Variants in PACRG observed in about 807,000 individuals in gnomAD.
PACRG encodes the protein parkin coregulated.
In PACRG, 29 loss-of-function variants were observed where a neutral mutation model predicts 29.7. The observed-to-expected ratio is 0.98, with a 90% CI of 0.73 to 1.33. The LOEUF (loss-of-function observed/expected upper bound fraction) is 1.33. Ranked by LOEUF, PACRG falls within the 40% of genes most tolerant of loss-of-function variation. PACRG has a pLI of 0.00. For missense variants in PACRG, 279 were observed against 316.2 expected (o/e 0.88, Z 0.89); for synonymous variants, 116 against 118.7 (o/e 0.98, Z 0.15).
At chr6:162,942,332 T>C (rs1162760966) in intron 2 of PACRG, among the ~76,000 whole-genome samples, 2 of 152,186 alleles carry the variant, frequency 1.3e-5, no homozygotes, top group African/African-American at 4.8e-5. Flanking sequence ...CCCCCTCTCT[T>C]CTTCAGGGAC....
At chr6:163,165,392 GACT>G (rs1778752216) in intron 4 of PACRG, 1 of 152,334 alleles carries the variant, frequency 6.6e-6, no homozygotes, top group South Asian at 2.1e-4. Context: ...AGAGAGGTCT[GACT>G]ACAACCCAAA....
At chr6:162,744,812 G>A (rs776260350) in intron 1 of PACRG, among the ~76,000 whole-genome samples, 1 of 151,986 alleles carries the variant, frequency 6.6e-6, no homozygotes, top group Non-Finnish European at 1.5e-5. Context: ...TTGTGATTTT[G>A]ATCAGTAAGT....
At chr6:162,847,123 C>A (rs549900246) in intron 2 of PACRG, among the ~76,000 whole-genome samples, 1 of 152,054 alleles carries the variant, frequency 6.6e-6, no homozygotes, top group Non-Finnish European at 1.5e-5. Flanking sequence ...GTGCTCCCCA[C>A]ACTGTGATGC....
At chr6:163,266,486 T>C (rs1479567587) in intron 4 of PACRG, among the ~76,000 whole-genome samples, 1 of 152,134 alleles carries the variant, frequency 6.6e-6, no homozygotes, top group Non-Finnish European at 1.5e-5. Context: ...GGATGGAACT[T>C]TGGGGAAATG....
At chr6:162,953,978 C>T (rs1006285999) in intron 2 of PACRG, among the ~76,000 whole-genome samples, 9 of 152,048 alleles carry the variant, frequency 5.9e-5, no homozygotes, top group African/African-American at 1.9e-4. Context: ...TTTATTTTTA[C>T]AAAATTCTAA....
intron 1 of PACRG, among the ~76,000 whole-genome samples, chr6:162,779,126 G>A (rs1783889173): frequency 6.6e-6 from 1 of 152,126 alleles, no homozygotes; most frequent in African/African-American, 2.4e-5. Flanking sequence ...GCAAGAACAC[G>A]CGGTGTTTGG....
At chr6:163,061,544 G>A (rs1811096677) in intron 2 of PACRG, among the ~76,000 whole-genome samples, 1 of 152,158 alleles carries the variant, frequency 6.6e-6, no homozygotes, top group Non-Finnish European at 1.5e-5. Context: ...ACTTTGAGGT[G>A]TCAGTGGTCC....
At chr6:162,976,566 TG>T (rs1272689027) in intron 2 of PACRG, among the ~76,000 whole-genome samples, 1 of 152,180 alleles carries the variant, frequency 6.6e-6, no homozygotes, top group Non-Finnish European at 1.5e-5. Context: ...AAGATAACTC[TG>T]GTGTATAGAT....
intron 2 of PACRG, among the ~76,000 whole-genome samples, chr6:162,900,264 A>G (rs1795465905): frequency 6.6e-6 from 1 of 152,092 alleles, no homozygotes; most frequent in African/African-American, 2.4e-5. Flanking sequence ...CTCTGCTTAC[A>G]GAGGCCGACG....
At chr6:163,061,883 GC>G (rs1319182748) in intron 2 of PACRG, among the ~76,000 whole-genome samples, 3 of 152,170 alleles carry the variant, frequency 2.0e-5, no homozygotes, top group Non-Finnish European at 4.4e-5. Flanking sequence ...CAAAAAGGTA[GC>G]AAATTATTAA....
At chr6:163,297,138 G>A (rs1784806709) in intron 4 of PACRG, among the ~76,000 whole-genome samples, 1 of 152,104 alleles carries the variant, frequency 6.6e-6, no homozygotes, top group Non-Finnish European at 1.5e-5. Context: ...ACGAAGCTTT[G>A]TTTCTTTAGT....
At chr6:162,771,378 G>T (rs550509824) in intron 1 of PACRG, among the ~76,000 whole-genome samples, 64 of 152,260 alleles carry the variant, frequency 4.2e-4, no homozygotes, top group Non-Finnish European at 7.9e-4. Flanking sequence ...CTCTTCCAGG[G>T]TTATATTTCA....
chr6:163,163,244 C>T (rs1413527852), intron 4 of PACRG, among the ~76,000 whole-genome samples: 1 of 151,236 alleles, frequency 6.6e-6, no homozygotes, highest in Admixed American at 6.6e-5. Context: ...ATCAGCTCCA[C>T]ATGGTTTTTT....
chr6:162,955,651 C>T (rs147657268), intron 2 of PACRG, among the ~76,000 whole-genome samples: 280 of 152,236 alleles, frequency 1.8e-3, no homozygotes, highest in African/African-American at 6.0e-3. Flanking sequence ...ATAGAAATAG[C>T]GTATGATTTA....
chr6:163,119,223 G>A (rs965219578), intron 4 of PACRG, among the ~76,000 whole-genome samples: 3 of 152,210 alleles, frequency 2.0e-5, no homozygotes, highest in Non-Finnish European at 4.4e-5. Context: ...GACTCCTGGG[G>A]CCCAATACAG....
At chr6:163,180,228 C>T (rs889249256) in intron 4 of PACRG, among the ~76,000 whole-genome samples, 6 of 152,214 alleles carry the variant, frequency 3.9e-5, no homozygotes, top group African/African-American at 1.4e-4. Flanking sequence ...ACGCCCACTT[C>T]TCCAGTAGAA....
intron 2 of PACRG, among the ~76,000 whole-genome samples, chr6:162,952,458 G>T (rs1397715655): frequency 6.6e-6 from 1 of 152,172 alleles, no homozygotes; most frequent in Non-Finnish European, 1.5e-5. Flanking sequence ...GAATTGGGTG[G>T]TTCAATAGAT....
At chr6:162,828,810 A>G (rs1215442997) in intron 2 of PACRG, among the ~76,000 whole-genome samples, 2 of 152,216 alleles carry the variant, frequency 1.3e-5, no homozygotes, top group Non-Finnish European at 2.9e-5. Flanking sequence ...CAAAAAGAAT[A>G]AAGTGTTAAA....
chr6:163,176,742 A>T (rs1246882714), intron 4 of PACRG, among the ~76,000 whole-genome samples: 1 of 152,214 alleles, frequency 6.6e-6, no homozygotes, highest in Non-Finnish European at 1.5e-5. Context: ...TGGACTTCAG[A>T]CACTGGGCAG....
Sources: allele counts gnomAD v4.1 joint callset (sites outside exome capture counted in the v4.1 genomes callset), GRCh38; gene constraint gnomAD v4.1.1; transcripts MANE v1.5; gene names NCBI Gene and HGNC (gene_info 2026-07-23, HGNC 2026-07-21).